The following FER1L6 variants were observed in gnomAD, a reference collection of about 807,000 sequenced individuals.
FER1L6 encodes the protein fer-1-like protein 6.
A neutral mutation model predicts 219.2 loss-of-function variants in FER1L6; 177 were observed. The observed-to-expected ratio is 0.81, with a 90% CI of 0.71 to 0.91. The LOEUF (loss-of-function observed/expected upper bound fraction) is 0.91. Among genes scored for constraint, FER1L6 ranks in the 40% least tolerant of loss-of-function variants. The probability of loss-of-function intolerance (pLI) is 0.00; values close to 1 mark genes in which losing one functional copy is unlikely to be tolerated. For synonymous variants in FER1L6, 768 were observed against 824.3 expected, an observed-to-expected ratio of 0.93 and a Z score of 1.17; for missense variants, 2,153 against 2,259.9, an observed-to-expected ratio of 0.95 and a Z score of 0.96.
intron 12 of FER1L6, among the ~76,000 whole-genome samples, chr8:123,990,540 CTATT>C (rs555882160): frequency 5.6e-4 from 85 of 152,106 alleles, no homozygotes; most frequent in African/African-American, 2.0e-3. Flanking sequence ...TGAGAAATGT[CTATT>C]TATGTCATTT....
intron 1 of FER1L6, among the ~76,000 whole-genome samples, chr8:123,896,318 T>A (rs1203314201): frequency 3.3e-5 from 5 of 152,370 alleles, no homozygotes; most frequent in Admixed American, 2.6e-4. Flanking sequence ...CCTGTTGGAA[T>A]ACAAGTTCTC....
At chr8:124,099,679 T>C (rs575241996) in intron 37 of FER1L6, among the ~76,000 whole-genome samples, 1 of 152,312 alleles carries the variant, frequency 6.6e-6, no homozygotes, top group African/African-American at 2.4e-5. Context: ...TCTGATCATG[T>C]CAGTCCTGTA....
chr8:123,961,178 C>T (rs1200765602), intron 2 of FER1L6, among the ~76,000 whole-genome samples: 4 of 152,172 alleles, frequency 2.6e-5, no homozygotes, highest in South Asian at 2.1e-4. Flanking sequence ...GGAGGATCCT[C>T]GAGCCTGGGA....
Position 124,091,545 on chromosome 8 carries a change from T to A in FER1L6, c.4514T>A (p.Val1505Asp). ...GGGAAAATACAGATAGGAAACCAAGTCTTTTCTGGAAAAACTATCTTCACT... is the reference window on the plus strand; with the variant it reads ...GGGAAAATACAGATAGGAAACCAAGACTTTTCTGGAAAAACTATCTTCACT... Reference protein sequence around the residue: ...HPGKIQIGNQVFSGKTIFTEE... With the variant: ...HPGKIQIGNQDFSGKTIFTEE... Residue 1505 changes from valine (V) to aspartate (D), a missense_variant, in exon 34 of 41, where the codon GTC (valine) becomes GAC (aspartate). Transcript: ENST00000522917. 1.9e-6 allele frequency: 3 copies of A among 1,614,080 alleles called. No individual in the cohort carries two copies. Among genetic ancestry groups the A allele is most frequent in the East Asian group, 2.2e-5 (1 of 44,878 alleles).
At chr8:124,058,127 A>T (rs1020063120) in intron 22 of FER1L6, among the ~76,000 whole-genome samples, 1 of 152,222 alleles carries the variant, frequency 6.6e-6, no homozygotes, top group Non-Finnish European at 1.5e-5. Flanking sequence ...AATATAAATT[A>T]TGGGCTGAGG....
At chr8:124,012,883 T>C (rs573339319) in intron 14 of FER1L6, among the ~76,000 whole-genome samples, 34 of 152,338 alleles carry the variant, frequency 2.2e-4, no homozygotes, top group Admixed American at 8.5e-4. Context: ...AATTCTAGAA[T>C]TTAGGCCCAA....
chr8:123,967,081 C>CAAA (rs34800682), intron 5 of FER1L6, among the ~76,000 whole-genome samples: 5 of 92,336 alleles, frequency 5.4e-5, no homozygotes, highest in African/African-American at 1.3e-4. Context: ...GACTCCACCT[C>CAAA]AAAAAAAAAA....
intron 39 of FER1L6, among the ~76,000 whole-genome samples, chr8:124,105,355 A>G (rs1822723361): frequency 6.6e-6 from 1 of 152,202 alleles, no homozygotes; most frequent in Non-Finnish European, 1.5e-5. Flanking sequence ...CTGATCACAC[A>G]GGCCTCGAGA....
chr8:124,061,656 A>AAGGCAGAC (rs1198078644), intron 24 of FER1L6, among the ~76,000 whole-genome samples, 196 bp from the exon 25 acceptor site: 1 of 152,204 alleles, frequency 6.6e-6, no homozygotes, highest in Non-Finnish European at 1.5e-5. Context: ...AATTGTTACT[A>AAGGCAGAC]AGGCAGACTT....
chr8:123,958,880 T>G (rs1306742859), intron 2 of FER1L6, among the ~76,000 whole-genome samples: 3 of 150,600 alleles, frequency 2.0e-5, no homozygotes, highest in Non-Finnish European at 4.4e-5. Flanking sequence ...CTGTGAAAAA[T>G]TCCAAGCAGC....
chr8:124,049,814 C>T (rs1819922675), intron 22 of FER1L6, 58 bp downstream of exon 22: 2 of 1,563,644 alleles, frequency 1.3e-6, no homozygotes, highest in Non-Finnish European at 1.8e-6. Flanking sequence ...GAGAAGTGGC[C>T]TCACCACAAA....
chr8:123,889,734 T>C, intron 1 of FER1L6, among the ~76,000 whole-genome samples: 1 of 152,022 alleles, frequency 6.6e-6, no homozygotes, highest in East Asian at 1.9e-4. Context: ...CTTGAGAAGG[T>C]TATTTATGAC....
rs557432847 is a variant in FER1L6 at position 124,015,370 on chromosome 8, A to G, written c.1922+1839A>G. 3.4e-4 allele frequency among the ~76,000 whole-genome samples: 51 copies of G among 151,906 alleles called. 1 individual carries two copies. The South Asian group carries it at 0.011, about 32-fold the overall frequency. ...TTGAAATTAAGTAGTTTAAGATTTG[A>G]GCAAATATGAGAACTTGTCATAATG... On this transcript the variant is annotated intron_variant, in intron 15 of 40. Coordinates refer to ENST00000522917, the MANE Select transcript of FER1L6 (RefSeq NM_001039112.2).
chr8:123,877,816 T>C (rs1413150642), intron 1 of FER1L6, among the ~76,000 whole-genome samples: 1 of 152,106 alleles, frequency 6.6e-6, no homozygotes, highest in Non-Finnish European at 1.5e-5. Context: ...CTGATTTTTT[T>C]CCTTCCCTAT....
At chr8:123,993,086 G>A (rs1816938670) in intron 12 of FER1L6, among the ~76,000 whole-genome samples, 1 of 152,124 alleles carries the variant, frequency 6.6e-6, no homozygotes, top group East Asian at 1.9e-4. Flanking sequence ...TTAAAAGTTT[G>A]AGATTTGTTT....
intron 39 of FER1L6, among the ~76,000 whole-genome samples, chr8:124,107,593 T>C (rs1321327668): frequency 1.3e-5 from 2 of 152,198 alleles, no homozygotes; most frequent in Non-Finnish European, 2.9e-5. Flanking sequence ...ATTTTTTACC[T>C]TCTCTCCATG....
chr8:123,956,074 G>T lies in FER1L6; in HGVS notation c.76G>T (p.Asp26Tyr), dbSNP rs1167415509. 1.2e-6 allele frequency: 2 copies of T among 1,609,576 alleles called. No individual in the cohort carries two copies. The highest frequency in any genetic ancestry group is 1.7e-6 in the Non-Finnish European group (2 of 1,178,342). The change falls in exon 2 of 41, where the codon GAT becomes TAT. Residue 26 changes from aspartate (D) to tyrosine (Y), a missense_variant and splice_region_variant. Coordinates refer to ENST00000522917, the MANE Select transcript of FER1L6 (RefSeq NM_001039112.2). ...GLILANKAAK[D>Y]SQGDTEALQE... is the part of the protein sequence containing the mutation. ...AATCCTAGCCAACAAGGCTGCGAAA[G>T]GTGAGGCTGGGGGTGGGGTGCTGAC... is the stretch of plus-strand genomic sequence containing the variant.
At chr8:124,013,717 C>G in intron 15 of FER1L6, 186 bp downstream of exon 15, 1 of 391,398 alleles carries the variant, frequency 2.6e-6, no homozygotes, top group Non-Finnish European at 4.6e-6. Context: ...GACACTGTAA[C>G]AACTCAAACA....
chr8:124,048,944 A>G (rs1180329922), intron 21 of FER1L6, among the ~76,000 whole-genome samples: 2 of 152,134 alleles, frequency 1.3e-5, no homozygotes, highest in Non-Finnish European at 2.9e-5. Flanking sequence ...TTCCCTGGAT[A>G]ATGATTTTAA....
Sources: allele counts gnomAD v4.1 joint callset (sites outside exome capture counted in the v4.1 genomes callset), GRCh38; gene constraint gnomAD v4.1.1; transcripts MANE v1.5; gene names NCBI Gene and HGNC (gene_info 2026-07-23, HGNC 2026-07-21).